The following ROR1 variants were observed in gnomAD, a reference collection of about 807,000 sequenced individuals.
The protein encoded by ROR1 is inactive tyrosine-protein kinase transmembrane receptor ROR1.
A neutral mutation model predicts 78.8 loss-of-function variants in ROR1; 19 were observed. The ratio of observed to expected loss-of-function variants is 0.24; its 90% CI spans 0.17 to 0.35. The LOEUF is 0.35. ROR1 is among the 10% of genes least tolerant of loss of function. ROR1 has a pLI of 1.00. For synonymous variants in ROR1, 386 were observed against 433.6 expected, an observed-to-expected ratio of 0.89 and a Z score of 1.36; for missense variants, 917 against 1,177.8, an observed-to-expected ratio of 0.78 and a Z score of 3.24.
At chr1:64,104,454 T>C (rs939885424) in intron 4 of ROR1, among the ~76,000 whole-genome samples, 1 of 152,148 alleles carries the variant, frequency 6.6e-6, no homozygotes, top group African/African-American at 2.4e-5. Flanking sequence ...TGAAGTCATA[T>C]ACATCCTGTC....
chr1:63,940,772 A>G (rs748914026), intron 1 of ROR1, among the ~76,000 whole-genome samples: 1 of 152,182 alleles, frequency 6.6e-6, no homozygotes, highest in Non-Finnish European at 1.5e-5. Flanking sequence ...CTTATTGGCT[A>G]AGACTGGGCA....
At chr1:63,938,159 G>C (rs1317432837) in intron 1 of ROR1, among the ~76,000 whole-genome samples, 6 of 152,086 alleles carry the variant, frequency 3.9e-5, no homozygotes, top group Admixed American at 3.3e-4. Flanking sequence ...AAAAAAATGT[G>C]TCTGTGCTTT....
At chr1:63,824,414 A>G (rs1557514465) in intron 1 of ROR1, among the ~76,000 whole-genome samples, 1 of 152,152 alleles carries the variant, frequency 6.6e-6, no homozygotes, top group Admixed American at 6.5e-5. Context: ...ACAAAATATT[A>G]TTTGTCTTTT....
intron 1 of ROR1, among the ~76,000 whole-genome samples, chr1:63,971,708 G>T (rs945395670): frequency 6.6e-6 from 1 of 152,156 alleles, no homozygotes; most frequent in African/African-American, 2.4e-5. Context: ...AATCTAATGG[G>T]GATGCTTATA....
intron 7 of ROR1, among the ~76,000 whole-genome samples, chr1:64,157,536 G>T (rs1294901483): frequency 6.6e-6 from 1 of 152,134 alleles, no homozygotes; most frequent in Non-Finnish European, 1.5e-5. Flanking sequence ...CCAAAACCAG[G>T]TTTTGGTATT....
chr1:64,173,478 G>A (rs912791280), intron 8 of ROR1, among the ~76,000 whole-genome samples: 1 of 152,190 alleles, frequency 6.6e-6, no homozygotes, highest in African/African-American at 2.4e-5. Context: ...CTCAGGCTGA[G>A]CCTCCAGAGA....
At chr1:64,082,135 A>G in intron 4 of ROR1, among the ~76,000 whole-genome samples, 1 of 152,162 alleles carries the variant, frequency 6.6e-6, no homozygotes, top group East Asian at 1.9e-4. Context: ...GAGCCTGTAG[A>G]GTGAGAAGAG....
intron 1 of ROR1, among the ~76,000 whole-genome samples, chr1:63,938,206 A>G (rs1486877166): frequency 6.6e-6 from 1 of 152,198 alleles, no homozygotes; most frequent in African/African-American, 2.4e-5. Flanking sequence ...TATTCCCTAG[A>G]CAATAGAGTA....
chr1:64,076,628 G>C (rs1033526860), intron 4 of ROR1, among the ~76,000 whole-genome samples: 4 of 152,176 alleles, frequency 2.6e-5, no homozygotes, highest in Non-Finnish European at 5.9e-5. Context: ...GTGTGGTGTA[G>C]TGGAAGTCCA....
intron 5 of ROR1, among the ~76,000 whole-genome samples, chr1:64,139,646 T>G (rs1649236930): frequency 6.6e-6 from 1 of 152,166 alleles, no homozygotes; most frequent in Non-Finnish European, 1.5e-5. Flanking sequence ...ATTAAGCAAG[T>G]TACCCTAAGT....
intron 4 of ROR1, among the ~76,000 whole-genome samples, chr1:64,054,049 G>T (rs933534280): frequency 1.3e-5 from 2 of 151,934 alleles, no homozygotes; most frequent in African/African-American, 2.4e-5. Flanking sequence ...TGCCTACTGG[G>T]CTCAAGCCAT....
chr1:63,881,850 T>C (rs142012959), intron 1 of ROR1, among the ~76,000 whole-genome samples: 2 of 152,134 alleles, frequency 1.3e-5, no homozygotes. Flanking sequence ...GCCTGGAGGA[T>C]TGTGTTGGGG....
intron 1 of ROR1, among the ~76,000 whole-genome samples, chr1:63,999,001 C>CT (rs1646361778): frequency 6.6e-6 from 1 of 152,158 alleles, no homozygotes; most frequent in African/African-American, 2.4e-5. Context: ...TAAGAAGTAC[C>CT]TTTCGCCTTC....
At chr1:64,129,328 G>GA (rs932612153) in intron 4 of ROR1, among the ~76,000 whole-genome samples, 36 of 149,480 alleles carry the variant, frequency 2.4e-4, no homozygotes, top group Non-Finnish European at 3.6e-4. Flanking sequence ...TAAAAGGAAA[G>GA]AAAAAAAAAA....
Position 64,140,254 on chromosome 1 carries a change from T to G in ROR1, c.756T>G (p.Cys252Trp). Reference protein sequence around the residue: ...PKPRDLCRDECEILENVLCQT... With the variant: ...PKPRDLCRDEWEILENVLCQT... ...CCCGTGACTTGTGTCGCGATGAATG[T>G]GAAATCCTGGAGAATGTCCTGTGTC... The change falls in exon 6 of 9, where the codon TGT becomes TGG. Residue 252 changes from cysteine (C) to tryptophan (W), a missense_variant. Transcript: ENST00000371079. 1 of 1,614,200 alleles carries G rather than the reference T, an allele frequency of 6.2e-7. No individual in the cohort carries two copies. The highest frequency in any genetic ancestry group is 2.2e-5 in the East Asian group (1 of 44,884).
rs376266807 is a variant in ROR1 at position 63,916,125 on chromosome 1, T to C, written c.92-93180T>C. On this transcript the variant is annotated intron_variant, in intron 1 of 8. Coordinates refer to ENST00000371079, the MANE Select transcript of ROR1 (RefSeq NM_005012.4). Reference sequence around the variant, plus strand: ...AACAAACATTTCTACCCTATTTTTCTTCCCTTGAAATATCCTCTGGCTCTG... The same window carrying C: ...AACAAACATTTCTACCCTATTTTTCCTCCCTTGAAATATCCTCTGGCTCTG... Among the ~76,000 whole-genome samples, 35 of 152,346 alleles carry C rather than the reference T, an allele frequency of 2.3e-4. No homozygotes were observed. The East Asian group carries it at 4.6e-3, about 20-fold the overall frequency.
chr1:63,911,592 A>G (rs1334026154), intron 1 of ROR1, among the ~76,000 whole-genome samples: 1 of 151,362 alleles, frequency 6.6e-6, no homozygotes, highest in Admixed American at 6.6e-5. Context: ...CCCACCCCCA[A>G]CCCTGGTCCA....
intron 7 of ROR1, among the ~76,000 whole-genome samples, chr1:64,157,024 C>T (rs549813868): frequency 3.9e-5 from 6 of 152,256 alleles, no homozygotes; most frequent in African/African-American, 9.6e-5. Context: ...TGTCATCTAC[C>T]TTATAGAGTT....
intron 4 of ROR1, among the ~76,000 whole-genome samples, chr1:64,091,653 C>T (rs946485461): frequency 6.6e-6 from 1 of 152,122 alleles, no homozygotes; most frequent in Non-Finnish European, 1.5e-5. Flanking sequence ...TGGTATTCTT[C>T]CTTCTCACTC....
Sources: allele counts gnomAD v4.1 joint callset (sites outside exome capture counted in the v4.1 genomes callset), GRCh38; gene constraint gnomAD v4.1.1; transcripts MANE v1.5; gene names NCBI Gene and HGNC (gene_info 2026-07-23, HGNC 2026-07-21).